The following TLL1 variants were observed in gnomAD, a reference collection of about 807,000 sequenced individuals.
The protein encoded by TLL1 is tolloid-like protein 1.
In TLL1, 49 loss-of-function variants were observed where a neutral mutation model predicts 128.2. The ratio of observed to expected loss-of-function variants is 0.38; its 90% CI spans 0.30 to 0.48. The LOEUF (loss-of-function observed/expected upper bound fraction) is 0.48. Ranked by LOEUF, TLL1 falls within the 20% of genes least tolerant of loss-of-function variation. The pLI, the probability that TLL1 is intolerant of heterozygous loss-of-function variation, is 0.96. For missense variants in TLL1, 1,123 were observed against 1,242.0 expected (o/e 0.90, Z 1.44); for synonymous variants, 454 against 418.8 (o/e 1.08, Z -1.03).
intron 19 of TLL1, among the ~76,000 whole-genome samples, chr4:166,095,868 A>G (rs1254990647): frequency 6.6e-6 from 1 of 152,100 alleles, no homozygotes; most frequent in African/African-American, 2.4e-5. Flanking sequence ...CAACATACTA[A>G]ATAACTGGTT....
intron 1 of TLL1, among the ~76,000 whole-genome samples, chr4:165,927,982 G>C (rs1420759678): frequency 6.6e-6 from 1 of 152,008 alleles, no homozygotes; most frequent in Non-Finnish European, 1.5e-5. Flanking sequence ...TTGGTATGGA[G>C]ATGAGTAAGC....
At chr4:165,989,152 T>TC (rs1291515323) in intron 1 of TLL1, among the ~76,000 whole-genome samples, 1 of 151,956 alleles carries the variant, frequency 6.6e-6, no homozygotes, top group African/African-American at 2.4e-5. Context: ...GAAACTACTT[T>TC]CCCCCTCTCC....
rs182336309 is a variant in TLL1 at position 166,058,141 on chromosome 4, A to T, written c.1846+832A>T. Among the ~76,000 whole-genome samples, 36 of 152,024 alleles carry T rather than the reference A, an allele frequency of 2.4e-4. No individual in the cohort carries two copies. The East Asian group carries it at 6.4e-3, about 27-fold the overall frequency. On this transcript the variant is annotated intron_variant, in intron 14 of 20. Coordinates refer to ENST00000061240, the MANE Select transcript of TLL1 (RefSeq NM_012464.5). ...ATTTTTATCTATCCATCCTACCATC[A>T]TTCATTCATCCATCTCTCATACCAG... is the stretch of plus-strand genomic sequence containing the variant.
chr4:165,974,410 G>A, intron 1 of TLL1, among the ~76,000 whole-genome samples: 1 of 130,922 alleles, frequency 7.6e-6, no homozygotes, highest in African/African-American at 4.6e-5. Flanking sequence ...AAAGTGCTGG[G>A]ATTACAGGCG....
chr4:165,894,704 G>A (rs182339897), intron 1 of TLL1, among the ~76,000 whole-genome samples: 2 of 152,122 alleles, frequency 1.3e-5, no homozygotes, highest in East Asian at 1.9e-4. Flanking sequence ...TAGGGAAAAA[G>A]CATTCAGTCT....
intron 1 of TLL1, among the ~76,000 whole-genome samples, chr4:165,978,139 C>A: frequency 6.6e-6 from 1 of 152,036 alleles, no homozygotes; most frequent in East Asian, 1.9e-4. Flanking sequence ...ATTACAATAG[C>A]CAAGGCTTAT....
chr4:165,943,015 G>C (rs1298978742), intron 1 of TLL1, among the ~76,000 whole-genome samples: 1 of 152,076 alleles, frequency 6.6e-6, no homozygotes, highest in Non-Finnish European at 1.5e-5. Flanking sequence ...TACCAAAGGT[G>C]AATAGGACAT....
chr4:165,883,795 C>T (rs2110816379), intron 1 of TLL1, among the ~76,000 whole-genome samples: 1 of 152,268 alleles, frequency 6.6e-6, no homozygotes, highest in South Asian at 2.1e-4. Flanking sequence ...TAAATCCCCC[C>T]AATAGACCTT....
intron 1 of TLL1, among the ~76,000 whole-genome samples, chr4:165,902,734 C>T (rs942724533): frequency 6.6e-6 from 1 of 152,168 alleles, no homozygotes; most frequent in African/African-American, 2.4e-5. Context: ...CCTAGCCACA[C>T]ACCAAGTATA....
rs115243292 is a variant in TLL1, at chr4:165,882,543, A to G, written c.169+8470A>G. 8.1e-3 allele frequency among the ~76,000 whole-genome samples: 1,231 copies of G among 152,238 alleles called. 14 individuals are homozygous for G. The highest frequency in any genetic ancestry group is 0.027 in the African/African-American group (1,117 of 41,550). On this transcript the variant is annotated intron_variant, in intron 1 of 20. Coordinates refer to ENST00000061240, the MANE Select transcript of TLL1 (RefSeq NM_012464.5). ...TAGCTGGCAGGCAGTCACCAGGGTC[A>G]GAATAATTGGGTTTTGGTATCTGGA...
At chr4:165,922,821 A>G (rs1454178754) in intron 1 of TLL1, among the ~76,000 whole-genome samples, 3 of 152,194 alleles carry the variant, frequency 2.0e-5, no homozygotes, top group African/African-American at 7.2e-5. Flanking sequence ...ATTTTGGACT[A>G]TGATATTTAG....
chr4:165,873,956 G>A lies in TLL1; in HGVS notation c.52G>A (p.Gly18Arg), dbSNP rs753791065. ...GATGCTCGTGTGGCTGGTGGCCTCG[G>A]GGATTGTTTTCTACGGGGAGCTATG... ...PRMLVWLVAS[G>R]IVFYGELWVC... The change falls in exon 1 of 21, where the codon GGG becomes AGG. Residue 18 changes from glycine to arginine, a missense_variant. Gly to Arg is a moderately radical substitution (Grantham distance 125). Around this residue, in one of 3 missense-constraint regions of TLL1, gnomAD observed 480 missense variants for 542.4 expected, o/e 0.89. Coordinates refer to ENST00000061240, the MANE Select transcript of TLL1 (RefSeq NM_012464.5). 7.4e-6 allele frequency: 12 copies of A among 1,614,142 alleles called. No individual in the cohort carries two copies. In the South Asian group the frequency reaches 1.3e-4, roughly 18 times the overall value.
chr4:165,989,834 C>T (rs928421098), intron 2 of TLL1, among the ~76,000 whole-genome samples: 1 of 151,726 alleles, frequency 6.6e-6, no homozygotes, highest in South Asian at 2.1e-4. Flanking sequence ...GGCTATACAG[C>T]TTTCTTATCG....
At chr4:165,884,423 G>T (rs897487865) in intron 1 of TLL1, among the ~76,000 whole-genome samples, 1 of 152,168 alleles carries the variant, frequency 6.6e-6, no homozygotes, top group Non-Finnish European at 1.5e-5. Context: ...TAAGTACTTT[G>T]TAGGCTTTGT....
At chr4:166,093,143 G>T (rs981715021) in intron 19 of TLL1, among the ~76,000 whole-genome samples, 4 of 152,088 alleles carry the variant, frequency 2.6e-5, no homozygotes, top group African/African-American at 9.7e-5. Context: ...AATAAGACAC[G>T]GAGACAAAGT....
intron 19 of TLL1, among the ~76,000 whole-genome samples, chr4:166,093,349 C>T (rs528178150): frequency 1.3e-5 from 2 of 152,228 alleles, no homozygotes; most frequent in South Asian, 4.1e-4. Context: ...ATCTGTGTCA[C>T]AATTAAGTTC....
At chr4:166,023,545 A>C (rs981778004) in intron 8 of TLL1, among the ~76,000 whole-genome samples, 6 of 152,208 alleles carry the variant, frequency 3.9e-5, no homozygotes, top group Non-Finnish European at 8.8e-5. Context: ...TTTGACTTTT[A>C]TATCTGAGAA....
At chr4:166,008,802 CT>C (rs34689194) in intron 7 of TLL1, among the ~76,000 whole-genome samples, 1,608 of 142,154 alleles carry the variant, frequency 0.011, 18 homozygotes, top group African/African-American at 0.032. Flanking sequence ...CATTTCAACT[CT>C]TTTTTTTTTT....
At chr4:165,956,809 A>G (rs763215771) in intron 1 of TLL1, among the ~76,000 whole-genome samples, 14 of 152,128 alleles carry the variant, frequency 9.2e-5, no homozygotes, top group Non-Finnish European at 1.5e-5. Flanking sequence ...ATAAATGTCC[A>G]TGAAATCTTC....
Sources: allele counts gnomAD v4.1 joint callset (sites outside exome capture counted in the v4.1 genomes callset), GRCh38; gene constraint gnomAD v4.1.1; regional missense constraint gnomAD v4.1.1; transcripts MANE v1.5; gene names NCBI Gene and HGNC (gene_info 2026-07-23, HGNC 2026-07-21).